The following TAOK3 variants were observed in gnomAD, a reference collection of about 807,000 sequenced individuals.
The protein encoded by TAOK3 is TAO kinase 3.
Under a neutral mutation model 120.4 loss-of-function variants are expected in TAOK3, and 40 were observed. The ratio of observed to expected loss-of-function variants is 0.33; its 90% confidence interval spans 0.26 to 0.43. TAOK3 has a LOEUF of 0.43. Among genes scored for constraint, TAOK3 ranks in the 20% least tolerant of loss-of-function variants. The pLI, the probability that TAOK3 is intolerant of heterozygous loss-of-function variation, is 1.00. For missense variants in TAOK3, 821 were observed against 1,112.1 expected (o/e 0.74, Z 3.72); for synonymous variants, 355 against 387.5 (o/e 0.92, Z 0.99).
At chr12:118,323,212 A>G (rs2043796732) in intron 1 of TAOK3, among the ~76,000 whole-genome samples, 1 of 152,204 alleles carries the variant, frequency 6.6e-6, no homozygotes, top group Non-Finnish European at 1.5e-5. Context: ...AACCAACAAT[A>G]TATCTAATAT....
Position 118,353,796 on chromosome 12 carries a change from A to C in TAOK3, c.-194+18852T>G. ...ATAAGCCAGGAGCTGGCTAGGAGAC[A>C]AAGGGGTTACATTACAGATTAACAC... On this transcript the variant is annotated intron_variant, in intron 1 of 20. Transcript: ENST00000392533. Among the ~76,000 whole-genome samples the C allele has an allele frequency of 1.3e-5, 2 of 152,226 alleles. 1 individual carries two copies. The highest frequency in any genetic ancestry group is 2.9e-5 in the Non-Finnish European group (2 of 68,030).
At chr12:118,363,840 G>T (rs2045673663) in intron 1 of TAOK3, among the ~76,000 whole-genome samples, 1 of 151,974 alleles carries the variant, frequency 6.6e-6, no homozygotes, top group Non-Finnish European at 1.5e-5. Flanking sequence ...CAGGTTTACA[G>T]GCCAGGCGCG....
intron 1 of TAOK3, among the ~76,000 whole-genome samples, chr12:118,352,460 G>A (rs1351323382): frequency 2.0e-5 from 3 of 150,876 alleles, no homozygotes; most frequent in Non-Finnish European, 4.4e-5. Flanking sequence ...AGCCAAGATT[G>A]CGCCACTGCA....
Position 118,177,251 on chromosome 12 carries a change from A to G in TAOK3, c.1645T>C (p.Leu549=). Residue 549 remains leucine, a synonymous_variant, in exon 16 of 21, where the codon TTA becomes CTA. Transcript: ENST00000392533. ...AQQKKDLTTF[L]ESQKKQYKIC... ...TTATACTGCTTCTTCTGACTTTCTA[A>G]GAAAGTTGTCAAATCTTTCTTCTGC... The G allele has an allele frequency of 6.2e-7, 1 of 1,613,782 alleles. No homozygotes were observed. Among genetic ancestry groups the G allele is most frequent in the South Asian group, 1.1e-5 (1 of 91,084 alleles).
rs756348540 is a variant in TAOK3, at chr12:118,177,284, A to G, written c.1612T>C (p.Leu538=). Residue 538 remains leucine, a synonymous_variant, in exon 16 of 21, where the codon TTG becomes CTG. Coordinates refer to ENST00000392533, the MANE Select transcript of TAOK3 (RefSeq NM_016281.4). ...ADEKKFQQQI[L]AQQKKDLTTF... is the part of the protein sequence containing the mutation. Reference sequence around the variant, plus strand: ...GTCAAATCTTTCTTCTGCTGGGCCAAGATCTGTTGCTGGAACTTCTTCTCA... The same window carrying G: ...GTCAAATCTTTCTTCTGCTGGGCCAGGATCTGTTGCTGGAACTTCTTCTCA... 6.2e-7 allele frequency: 1 copy of G among 1,613,834 alleles called. No individual in the cohort carries two copies. Among genetic ancestry groups the G allele is most frequent in the Non-Finnish European group, 8.5e-7 (1 of 1,179,948 alleles).
intron 10 of TAOK3, 50 bp from the exon 11 acceptor site, chr12:118,213,045 C>A: frequency 8.3e-7 from 1 of 1,203,662 alleles, no homozygotes; most frequent in Non-Finnish European, 1.1e-6. Flanking sequence ...CTGTAGAGCA[C>A]ACTGATTACT....
chr12:118,207,863 C>A (rs1466920335), intron 11 of TAOK3, among the ~76,000 whole-genome samples: 1 of 150,972 alleles, frequency 6.6e-6, no homozygotes, highest in Non-Finnish European at 1.5e-5. Context: ...CTGTCTCACA[C>A]ACACACACAC....
intron 1 of TAOK3, among the ~76,000 whole-genome samples, chr12:118,351,078 C>A (rs893620735): frequency 6.6e-6 from 1 of 152,054 alleles, no homozygotes; most frequent in Non-Finnish European, 1.5e-5. Flanking sequence ...ACTTGGGAGG[C>A]TGAGGCACGA....
Position 118,192,481 on chromosome 12 carries a change from A to T in TAOK3, c.1195-2540T>A, listed in dbSNP as rs181432646. Among the ~76,000 whole-genome samples, 354 of 152,294 alleles carry T rather than the reference A, an allele frequency of 2.3e-3. 4 individuals carry two copies. Among genetic ancestry groups the T allele is most frequent in the Admixed American group, 0.021 (324 of 15,294 alleles). On this transcript the variant is annotated intron_variant, in intron 13 of 20. Coordinates refer to ENST00000392533, the MANE Select transcript of TAOK3 (RefSeq NM_016281.4). ...CTATCACTAAAGGTCTTCAAATATT[A>T]TACAAGAGACCACAAAATGGAACAA...
intron 1 of TAOK3, among the ~76,000 whole-genome samples, chr12:118,267,843 CCACTG>C (rs2041521640): frequency 6.7e-6 from 1 of 148,984 alleles, no homozygotes; most frequent in Non-Finnish European, 1.5e-5. Context: ...CGAGATCGCA[CCACTG>C]CACTCCAGCC....
rs752317832 is a variant in TAOK3, at chr12:118,172,558, G to A, written c.1798C>T (p.Leu600Phe). ...QHTQAEEEAH[L>F]LTQQRLYYDK... is the part of the protein sequence containing the mutation. ...TAGTACAGTCTCTGTTGAGTGAGAA[G>A]GTGGGCTTCCTCTTCAGCCTGTGTG... is the stretch of plus-strand genomic sequence containing the variant. The change falls in exon 17 of 21, where the codon CTT (leucine) becomes TTT (phenylalanine). Residue 600 changes from leucine (L) to phenylalanine (F), a missense_variant. Leu to Phe is a conservative substitution (Grantham distance 22). Coordinates refer to ENST00000392533, the MANE Select transcript of TAOK3 (RefSeq NM_016281.4). 1.9e-6 allele frequency: 3 copies of A among 1,614,096 alleles called. No homozygotes were observed. The South Asian group carries it at 3.3e-5, about 18-fold the overall frequency.
chr12:118,271,988 A>T (rs554196497), intron 1 of TAOK3, among the ~76,000 whole-genome samples: 1 of 152,370 alleles, frequency 6.6e-6, no homozygotes, highest in South Asian at 2.1e-4. Context: ...CTTGGGCCAA[A>T]TAAACAATCC....
At chr12:118,348,519 T>G (rs572112102) in intron 1 of TAOK3, among the ~76,000 whole-genome samples, 1 of 152,054 alleles carries the variant, frequency 6.6e-6, no homozygotes, top group East Asian at 1.9e-4. Context: ...GGCACAATCT[T>G]GGCTCACTGC....
intron 15 of TAOK3, among the ~76,000 whole-genome samples, 199 bp from the exon 16 acceptor site, chr12:118,177,528 A>G (rs887711242): frequency 6.6e-6 from 1 of 151,942 alleles, no homozygotes; most frequent in Non-Finnish European, 1.5e-5. Flanking sequence ...AATTTTCACC[A>G]TTAATAAATT....
At chr12:118,349,055 C>A (rs2045016052) in intron 1 of TAOK3, among the ~76,000 whole-genome samples, 1 of 151,702 alleles carries the variant, frequency 6.6e-6, no homozygotes, top group Non-Finnish European at 1.5e-5. Flanking sequence ...CCACACCCAG[C>A]TAATTTTTGT....
intron 1 of TAOK3, among the ~76,000 whole-genome samples, chr12:118,273,352 A>G (rs914152740): frequency 2.0e-5 from 3 of 152,072 alleles, no homozygotes; most frequent in African/African-American, 7.2e-5. Context: ...AATACAAAAA[A>G]TTAGCCAGGT....
intron 19 of TAOK3, chr12:118,152,637 CAGCAGCAGG>C: frequency 2.1e-6 from 1 of 474,696 alleles, no homozygotes; most frequent in Non-Finnish European, 3.8e-6. Context: ...TCTGAAACCA[CAGCAGCAGG>C]CGTCAGGAAG....
chr12:118,184,468 C>T (rs1325672548), intron 14 of TAOK3, among the ~76,000 whole-genome samples: 1 of 152,126 alleles, frequency 6.6e-6, no homozygotes, highest in Non-Finnish European at 1.5e-5. Context: ...CTTTTTCATG[C>T]ATATGGTTTA....
chr12:118,334,590 C>T (rs976308754), intron 1 of TAOK3, among the ~76,000 whole-genome samples: 6 of 152,040 alleles, frequency 3.9e-5, no homozygotes, highest in South Asian at 2.1e-4. Context: ...AAATTTGTTT[C>T]GGAGGCCGGG....
Sources: allele counts gnomAD v4.1 joint callset (sites outside exome capture counted in the v4.1 genomes callset), GRCh38; gene constraint gnomAD v4.1.1; transcripts MANE v1.5; gene names NCBI Gene and HGNC (gene_info 2026-07-23, HGNC 2026-07-21).